ELOVL5: variants seen among roughly 807,000 people sequenced by gnomAD.
ELOVL5 encodes the protein ELOVL fatty acid elongase 5, also known as very long chain fatty acid elongase 5.
Under a neutral mutation model 38.6 loss-of-function variants are expected in ELOVL5, and 8 were observed. The observed-to-expected ratio is 0.21, with a 90% CI of 0.12 to 0.37. ELOVL5 has a LOEUF of 0.37. Among genes scored for constraint, ELOVL5 ranks in the 10% least tolerant of loss-of-function variants. ELOVL5 has a pLI of 1.00. For synonymous variants in ELOVL5, 127 were observed against 133.7 expected, an observed-to-expected ratio of 0.95 and a Z score of 0.34; for missense variants, 280 against 367.8, an observed-to-expected ratio of 0.76 and a Z score of 1.95.
At chr6:53,285,129 T>TGGA (rs1157907556) in intron 3 of ELOVL5, among the ~76,000 whole-genome samples, 1 of 152,212 alleles carries the variant, frequency 6.6e-6, no homozygotes, top group East Asian at 1.9e-4. Flanking sequence ...GGAAGGCAGG[T>TGGA]GGAAAGCTGA....
At chr6:53,280,615 C>T (rs1321308268) in intron 3 of ELOVL5, among the ~76,000 whole-genome samples, 3 of 152,130 alleles carry the variant, frequency 2.0e-5, no homozygotes, top group African/African-American at 7.2e-5. Context: ...TTCTTTGAGA[C>T]AGGGCCTGGC....
intron 1 of ELOVL5, among the ~76,000 whole-genome samples, chr6:53,301,805 A>G (rs1276420339): frequency 6.6e-6 from 1 of 152,230 alleles, no homozygotes; most frequent in Non-Finnish European, 1.5e-5. Flanking sequence ...GCTTCCCATT[A>G]TAAGATTCTG....
chr6:53,305,878 GC>G (rs1767515792), intron 1 of ELOVL5, among the ~76,000 whole-genome samples: 1 of 152,070 alleles, frequency 6.6e-6, no homozygotes, highest in Non-Finnish European at 1.5e-5. Flanking sequence ...GTTGTAGCGA[GC>G]CGAGATCACG....
chr6:53,269,696 C>T (rs1765854851), intron 7 of ELOVL5, among the ~76,000 whole-genome samples: 1 of 152,214 alleles, frequency 6.6e-6, no homozygotes, highest in Non-Finnish European at 1.5e-5. Flanking sequence ...TCTCAGCCTT[C>T]ATGAACAAAG....
intron 1 of ELOVL5, among the ~76,000 whole-genome samples, chr6:53,303,973 C>T (rs1767372960): frequency 6.6e-6 from 1 of 152,236 alleles, no homozygotes; most frequent in Non-Finnish European, 1.5e-5. Context: ...TTCCACTCCA[C>T]TGCCCCTCTT....
At chr6:53,305,421 G>T (rs996663964) in intron 1 of ELOVL5, among the ~76,000 whole-genome samples, 1 of 148,818 alleles carries the variant, frequency 6.7e-6, no homozygotes, top group African/African-American at 2.5e-5. Context: ...GCTGCCGGGC[G>T]GAGACGCTCC....
Position 53,276,499 on chromosome 6 carries a change from T to C in ELOVL5, c.247-243A>G, listed in dbSNP as rs181784883. On this transcript the variant is annotated intron_variant, in intron 3 of 7. Coordinates refer to ENST00000304434, the MANE Select transcript of ELOVL5 (RefSeq NM_021814.5). ...GCTGCTGCCCTCAGAGACCTTCCTT[T>C]ACCACGCTGCTTCTCTGCAGAACCC... 2.6e-5 allele frequency among the ~76,000 whole-genome samples: 4 copies of C among 152,290 alleles called. No homozygotes were observed. The East Asian group carries it at 7.7e-4, about 29-fold the overall frequency.
intron 1 of ELOVL5, among the ~76,000 whole-genome samples, chr6:53,304,238 T>C (rs1022750630): frequency 6.6e-6 from 1 of 152,334 alleles, no homozygotes. Flanking sequence ...GGCAGCATCC[T>C]AAAACACGGA....
chr6:53,281,476 TCA>T (rs1365216003), intron 3 of ELOVL5, among the ~76,000 whole-genome samples: 2 of 152,206 alleles, frequency 1.3e-5, no homozygotes, highest in Non-Finnish European at 1.5e-5. Context: ...ATCCTGACTC[TCA>T]GTCCAAATGC....
intron 2 of ELOVL5, chr6:53,294,486 T>A: frequency 1.3e-6 from 2 of 1,547,934 alleles, no homozygotes; most frequent in South Asian, 2.4e-5. Context: ...ACAGAGCTGC[T>A]GATACCTGGA....
rs534391953 is a variant in ELOVL5 at position 53,280,223 on chromosome 6, C to T, written c.247-3967G>A. ...TACCTTGGGCTTCTGAGAATCAGAT[C>T]GAAAGAGGACAGGACTATACTATAA... On this transcript the variant is annotated intron_variant, in intron 3 of 7. Transcript: ENST00000304434. Among the ~76,000 whole-genome samples, 21 of 152,280 alleles carry T rather than the reference C, an allele frequency of 1.4e-4. No individual in the cohort carries two copies. The East Asian group carries it at 1.9e-3, about 14-fold the overall frequency.
Position 53,287,890 on chromosome 6 carries a change from G to C in ELOVL5, c.246+3886C>G, listed in dbSNP as rs114475995. ...GTTTTCTGGCAGCTGCTGCTGAGTC[G>C]AAGGATCAGTTCGTGAGGCACAGGC... On this transcript the variant is annotated intron_variant, in intron 3 of 7. Coordinates refer to ENST00000304434, the MANE Select transcript of ELOVL5 (RefSeq NM_021814.5). The C allele has an allele frequency of 1.1e-4, 164 of 1,535,690 alleles. 4 individuals are homozygous for C. The African/African-American group carries it at 2.0e-3, about 19-fold the overall frequency.
chr6:53,284,465 C>A lies in ELOVL5; in HGVS notation c.246+7311G>T, dbSNP rs184358207. 4.4e-3 allele frequency among the ~76,000 whole-genome samples: 663 copies of A among 152,180 alleles called. 8 individuals carry two copies. Among genetic ancestry groups the A allele is most frequent in the African/African-American group, 0.015 (640 of 41,498 alleles). Reference sequence around the variant, plus strand: ...TAAGTTAAAAATGCATGGTAAACATCTATGGGTAACCACTCAACAGAATGA... The same window carrying A: ...TAAGTTAAAAATGCATGGTAAACATATATGGGTAACCACTCAACAGAATGA... On this transcript the variant is annotated intron_variant, in intron 3 of 7. Coordinates refer to ENST00000304434, the MANE Select transcript of ELOVL5 (RefSeq NM_021814.5).
chr6:53,315,287 C>T (rs990720872), intron 1 of ELOVL5, among the ~76,000 whole-genome samples: 3 of 152,286 alleles, frequency 2.0e-5, no homozygotes, highest in African/African-American at 7.2e-5. Context: ...ACTCCACCCT[C>T]ATGACCTCAT....
intron 2 of ELOVL5, chr6:53,294,238 G>C (rs1206687054): frequency 1.3e-6 from 2 of 1,521,946 alleles, no homozygotes; most frequent in South Asian, 1.3e-5. Flanking sequence ...GAATCCTTAG[G>C]ATCTAGTCAA....
chr6:53,323,668 C>T (rs1056213208), intron 1 of ELOVL5, among the ~76,000 whole-genome samples: 3 of 148,476 alleles, frequency 2.0e-5, no homozygotes, highest in Admixed American at 6.8e-5. Context: ...CCGCAACCTC[C>T]GCCTCCCGAG....
chr6:53,272,919 TATACAC>T (rs1765977718), intron 6 of ELOVL5, among the ~76,000 whole-genome samples: 1 of 68,318 alleles, frequency 1.5e-5, no homozygotes, highest in South Asian at 5.3e-4. Flanking sequence ...CACACACACA[TATACAC>T]ACATACATGC....
At chr6:53,284,706 T>C (rs9474476) in intron 3 of ELOVL5, among the ~76,000 whole-genome samples, 55,262 of 152,082 alleles carry the variant, frequency 0.36, 11,164 homozygotes, top group African/African-American at 0.55. Flanking sequence ...ATTGGTACCA[T>C]TTTTACAACA....
At chr6:53,334,643 C>T (rs915803619) in intron 1 of ELOVL5, among the ~76,000 whole-genome samples, 1 of 152,130 alleles carries the variant, frequency 6.6e-6, no homozygotes, top group Non-Finnish European at 1.5e-5. Flanking sequence ...CCCAATCCTG[C>T]ATCCCCAATT....
Sources: allele counts gnomAD v4.1 joint callset (sites outside exome capture counted in the v4.1 genomes callset), GRCh38; gene constraint gnomAD v4.1.1; transcripts MANE v1.5; gene names NCBI Gene and HGNC (gene_info 2026-07-23, HGNC 2026-07-21).